Variants in SYNE2 observed in about 807,000 individuals in gnomAD.
SYNE2 encodes spectrin repeat containing nuclear envelope protein 2, also known as nesprin-2.
Under a neutral mutation model 856.3 loss-of-function variants are expected in SYNE2, and 431 were observed. That is an observed-to-expected ratio of 0.50 (90% CI 0.47 to 0.55). The LOEUF (loss-of-function observed/expected upper bound fraction) is 0.55. Ranked by LOEUF, SYNE2 falls within the 20% of genes least tolerant of loss-of-function variation. SYNE2 has a pLI of 0.00. For missense variants in SYNE2, 8,129 were observed against 8,023.2 expected (o/e 1.01, Z -0.50); for synonymous variants, 2,923 against 2,872.3 (o/e 1.02, Z -0.56).
chr14:64,115,277 A>C (rs912100692), intron 66 of SYNE2, among the ~76,000 whole-genome samples: 22 of 152,302 alleles, frequency 1.4e-4, no homozygotes, highest in African/African-American at 4.1e-4. Context: ...TTTGGGCAGC[A>C]TTTTGGCAAG....
chr14:63,944,824 C>CTTTTTTTTTTTTTTTTTTTTTT (rs55906748), intron 6 of SYNE2, among the ~76,000 whole-genome samples: 6 of 46,948 alleles, frequency 1.3e-4, no homozygotes, highest in African/African-American at 4.1e-4. Context: ...GGGCTTAAAG[C>CTTTTTTTTTTTTTTTTTTTTTT]TTTTTTTTTT....
chr14:63,763,113 GC>G (rs1886550669), intron 1 of SYNE2, among the ~76,000 whole-genome samples: 1 of 151,922 alleles, frequency 6.6e-6, no homozygotes, highest in Admixed American at 6.6e-5. Context: ...GACTACAGGC[GC>G]CCACCACCAC....
intron 11 of SYNE2, among the ~76,000 whole-genome samples, chr14:63,974,753 T>C (rs2096516973): frequency 7.6e-6 from 1 of 131,492 alleles, no homozygotes; most frequent in Non-Finnish European, 1.6e-5. Context: ...TATATATATG[T>C]ATATACGTGT....
At chr14:64,033,008 A>G (rs1225805499) in intron 45 of SYNE2, among the ~76,000 whole-genome samples, 2 of 151,964 alleles carry the variant, frequency 1.3e-5, no homozygotes, top group Non-Finnish European at 2.9e-5. Context: ...TCTCTACAAA[A>G]AAATTAAAAA....
At chr14:64,221,541 A>C in intron 111 of SYNE2, 35 bp from the exon 112 acceptor site, 1 of 1,614,158 alleles carries the variant, frequency 6.2e-7, no homozygotes, top group Non-Finnish European at 8.5e-7. Context: ...CAGGGCTCTA[A>C]GACACGGCCG....
chr14:64,217,866 G>A (rs769110013), intron 108 of SYNE2, among the ~76,000 whole-genome samples: 8 of 152,138 alleles, frequency 5.3e-5, no homozygotes, highest in Non-Finnish European at 8.8e-5. Context: ...CAGCCCAATC[G>A]GCTGTGTGAT....
chr14:64,060,805 G>T (rs895671916), intron 49 of SYNE2, among the ~76,000 whole-genome samples: 4 of 152,188 alleles, frequency 2.6e-5, no homozygotes, highest in Admixed American at 2.6e-4. Flanking sequence ...GGCGAGGCTT[G>T]CTGCAATTCT....
intron 1 of SYNE2, among the ~76,000 whole-genome samples, chr14:63,814,927 T>TATATATCTATCC (rs1365646894): frequency 1.2e-4 from 13 of 109,148 alleles, no homozygotes; most frequent in African/African-American, 3.9e-4. Flanking sequence ...TATCTATCCA[T>TATATATCTATCC]ATATCTATCC....
At chr14:64,068,504 T>G (rs934383293) in intron 51 of SYNE2, among the ~76,000 whole-genome samples, 33 of 152,212 alleles carry the variant, frequency 2.2e-4, no homozygotes, top group African/African-American at 7.7e-4. Flanking sequence ...GGTGGGTGAA[T>G]TCAGTTTGTT....
Position 63,990,928 on chromosome 14 carries a change from T to A in SYNE2, c.2473-14T>A, listed in dbSNP as rs1566987733. 2 of 1,613,478 alleles carry A rather than the reference T, an allele frequency of 1.2e-6. No individual in the cohort carries two copies. The highest frequency in any genetic ancestry group is 2.2e-5 in the East Asian group (1 of 44,870). ...TGGTCCCCGTGTTAATTTGAGAATT[T>A]TTTTGTCTTCAAGATCAATGTGGTA... On this transcript the variant is annotated splice_polypyrimidine_tract_variant and intron_variant, in intron 20 of 115. Transcript: ENST00000555002.
At chr14:64,122,240 T>C (rs184166672) in intron 69 of SYNE2, 46 bp from the exon 70 acceptor site, 40 of 1,613,982 alleles carry the variant, frequency 2.5e-5, no homozygotes, top group Non-Finnish European at 3.4e-5. Context: ...TAATACAAAA[T>C]GTTTAGTGTT....
At position 64,198,644 on chromosome 14, in the gene SYNE2, C is replaced by A. The variant is rs151170116; in HGVS notation, c.18039-4157C>A. ...TTTTCCTTCCCTCCCACCTTCCCCC[C>A]CTCTTTAACTTGCACTAAGTATGCC... On this transcript the variant is annotated intron_variant, in intron 99 of 115. Coordinates refer to ENST00000555002, the MANE Select transcript of SYNE2 (RefSeq NM_182914.3). Among the ~76,000 whole-genome samples, 71 of 152,254 alleles carry A rather than the reference C, an allele frequency of 4.7e-4. 2 individuals carry two copies. The East Asian group carries it at 9.7e-3, about 21-fold the overall frequency.
At chr14:64,103,382 A>G (rs573484757) in intron 64 of SYNE2, among the ~76,000 whole-genome samples, 2 of 148,216 alleles carry the variant, frequency 1.3e-5, no homozygotes, top group East Asian at 4.0e-4. Context: ...GGAACAAAGT[A>G]GTATGTAAGA....
In SYNE2 at chr14:64,102,695, C is replaced by T. The variant is rs377141558; in HGVS notation, c.12492+653C>T. Among the ~76,000 whole-genome samples the T allele has an allele frequency of 1.8e-4, 28 of 151,866 alleles. 1 individual carries two copies. The highest frequency in any genetic ancestry group is 3.4e-3 in the Middle Eastern group (1 of 292). ...AGTCGCTTAGCAACTTTTAAGTATA[C>T]AATACATTATTATTAACTATAATTG... is the stretch of plus-strand genomic sequence containing the variant. On this transcript the variant is annotated intron_variant, in intron 64 of 115. Coordinates refer to ENST00000555002, the MANE Select transcript of SYNE2 (RefSeq NM_182914.3).
rs925076729 is a variant in SYNE2 at position 64,220,523 on chromosome 14, C to G, written c.19947C>G (p.Pro6649=). 11 of 1,614,034 alleles carry G rather than the reference C, an allele frequency of 6.8e-6. No individual in the cohort carries two copies. The highest frequency in any genetic ancestry group is 4.5e-5 in the East Asian group (2 of 44,896). ...AGGAATTTCTGCAAACCGAGAGCCCCGAATCCACAGAGCTCCAAAGTAGAC... is the reference window on the plus strand; with the variant it reads ...AGGAATTTCTGCAAACCGAGAGCCCGGAATCCACAGAGCTCCAAAGTAGAC... The part of the protein sequence containing the change: ...SSKEFLQTES[P]ESTELQSRLR... Residue 6649 remains proline, a synonymous_variant, in exon 111 of 116, where the codon CCC becomes CCG. Transcript: ENST00000555002.
chr14:64,102,591 A>G (rs1172580194), intron 64 of SYNE2, among the ~76,000 whole-genome samples: 1 of 150,208 alleles, frequency 6.7e-6, no homozygotes, highest in African/African-American at 2.5e-5. Context: ...TACGTTGGAA[A>G]TGGCTGTATC....
chr14:64,197,135 T>A (rs186770710), intron 99 of SYNE2: 1 of 152,398 alleles, frequency 6.6e-6, no homozygotes, highest in African/African-American at 2.4e-5. Flanking sequence ...CAGCTCTGCA[T>A]TGGGCCGAGG....
chr14:64,087,093 T>TTAAAA (rs370560128), intron 57 of SYNE2, among the ~76,000 whole-genome samples: 14 of 98,436 alleles, frequency 1.4e-4, no homozygotes, highest in Non-Finnish European at 2.7e-4. Flanking sequence ...TGATAATTGG[T>TTAAAA]AAAAAAAAAA....
Position 64,113,357 on chromosome 14 carries a change from T to A in SYNE2, c.12626T>A (p.Ile4209Asn). Reference sequence around the variant, plus strand: ...TTCTCTTAGGGCACCACACCTCCTATTGAGGCTGACACTCTGGACTCTTCT... The same window carrying A: ...TTCTCTTAGGGCACCACACCTCCTAATGAGGCTGACACTCTGGACTCTTCT... ...NQTEEGTTPP[I>N]EADTLDSSDA... The change falls in exon 66 of 116, where the codon ATT becomes AAT. Residue 4209 changes from isoleucine (I) to asparagine (N), a missense_variant. By Grantham distance (149) the Ile-to-Asn change is moderately radical (BLOSUM62 -3). This residue lies in a region of SYNE2 where 5,410 missense variants were observed against 5,284.8 expected (regional missense o/e 1.02). Coordinates refer to ENST00000555002, the MANE Select transcript of SYNE2 (RefSeq NM_182914.3). 1 of 1,613,932 alleles carries A rather than the reference T, an allele frequency of 6.2e-7. No individual in the cohort carries two copies. Among genetic ancestry groups the A allele is most frequent in the South Asian group, 1.1e-5 (1 of 91,068 alleles).
Sources: allele counts gnomAD v4.1 joint callset (sites outside exome capture counted in the v4.1 genomes callset), GRCh38; gene constraint gnomAD v4.1.1; regional missense constraint gnomAD v4.1.1; transcripts MANE v1.5; gene names NCBI Gene and HGNC (gene_info 2026-07-23, HGNC 2026-07-21).